Variants in UBE2E2 observed in about 807,000 individuals in gnomAD.
UBE2E2 encodes the protein ubiquitin-conjugating enzyme E2 E2.
In UBE2E2, 6 loss-of-function variants were observed where a neutral mutation model predicts 24.7. That is an observed-to-expected ratio of 0.24 (90% CI 0.13 to 0.48). UBE2E2 has a LOEUF of 0.48. Among genes scored for constraint, UBE2E2 ranks in the 20% least tolerant of loss-of-function variants. UBE2E2 has a pLI of 0.99. For synonymous variants in UBE2E2, 104 were observed against 83.6 expected, an observed-to-expected ratio of 1.24 and a Z score of -1.33; for missense variants, 169 against 245.0, an observed-to-expected ratio of 0.69 and a Z score of 2.07.
At chr3:23,501,112 A>T (rs562443954) in intron 4 of UBE2E2, among the ~76,000 whole-genome samples, 1 of 152,212 alleles carries the variant, frequency 6.6e-6, no homozygotes, top group Non-Finnish European at 1.5e-5. Context: ...CTGTTGTACT[A>T]TGAGGGATGT....
In UBE2E2 at chr3:23,407,650, TG is replaced by T. The variant is rs1697396503; in HGVS notation, c.228-91957del. Reference sequence around the variant, plus strand: ...GTGTTTGTGTGTGCATGCGTGCATGTGTGTGTGTGTGTGTGTGTGTGTGTGT... The same window carrying T: ...GTGTTTGTGTGTGCATGCGTGCATGTTGTGTGTGTGTGTGTGTGTGTGTGT... On this transcript the variant is annotated intron_variant, in intron 3 of 5. Coordinates refer to ENST00000396703, the MANE Select transcript of UBE2E2 (RefSeq NM_152653.4). This position sits in a 1 kb window ranked among gnomAD's most constrained non-coding sequence, Gnocchi z 4.0. Among the ~76,000 whole-genome samples the T allele has an allele frequency of 7.6e-5, 2 of 26,436 alleles. No individual in the cohort carries two copies. Among genetic ancestry groups the T allele is most frequent in the African/African-American group, 5.8e-4 (2 of 3,424 alleles). The allele number at this position is 26,436 out of a possible 152,430, so 17.3% of individuals were successfully genotyped here. A position where few individuals can be genotyped will look rare whatever the true frequency, so the allele number is the denominator to read the frequency against.
At chr3:23,302,934 A>G (rs187465905) in intron 3 of UBE2E2, among the ~76,000 whole-genome samples, 2 of 152,344 alleles carry the variant, frequency 1.3e-5, no homozygotes, top group Admixed American at 6.5e-5. Context: ...AATGAAACAC[A>G]TAAACCAGGG....
At chr3:23,561,261 A>C (rs1657510756) in intron 5 of UBE2E2, among the ~76,000 whole-genome samples, 1 of 152,200 alleles carries the variant, frequency 6.6e-6, no homozygotes, top group Admixed American at 6.5e-5. Context: ...AGGTGTAAGG[A>C]AGGGATCCAG....
intron 5 of UBE2E2, among the ~76,000 whole-genome samples, chr3:23,548,979 A>C (rs1695581378): frequency 6.6e-6 from 1 of 152,196 alleles, no homozygotes; most frequent in Non-Finnish European, 1.5e-5. Flanking sequence ...AACTCTGAAA[A>C]TGTGGCTGAA....
At chr3:23,262,258 A>G (rs2125354988) in intron 3 of UBE2E2, among the ~76,000 whole-genome samples, 1 of 152,144 alleles carries the variant, frequency 6.6e-6, no homozygotes, top group East Asian at 1.9e-4. Flanking sequence ...CTTTTTTGGA[A>G]AAATGTGTAT....
chr3:23,243,911 C>G (rs1203267363), intron 3 of UBE2E2, among the ~76,000 whole-genome samples: 2 of 151,830 alleles, frequency 1.3e-5, no homozygotes, highest in Non-Finnish European at 2.9e-5. Flanking sequence ...TAGGATCGTT[C>G]TTTTACCTGT....
intron 3 of UBE2E2, among the ~76,000 whole-genome samples, chr3:23,394,248 GGAGA>G (rs1304658617): frequency 6.6e-6 from 1 of 152,090 alleles, no homozygotes; most frequent in Non-Finnish European, 1.5e-5. Context: ...AACAAGTTTT[GGAGA>G]GAGAGTTTTT....
intron 3 of UBE2E2, among the ~76,000 whole-genome samples, chr3:23,292,423 T>C (rs1457321112): frequency 2.0e-5 from 3 of 152,204 alleles, no homozygotes; most frequent in Non-Finnish European, 4.4e-5. Flanking sequence ...TATTTTTTTT[T>C]CAGAGGAAGA....
chr3:23,228,740 T>A (rs1474664074), intron 3 of UBE2E2, among the ~76,000 whole-genome samples: 1 of 152,198 alleles, frequency 6.6e-6, no homozygotes, highest in African/African-American at 2.4e-5. Context: ...CCTAATGAGA[T>A]GCCTTTAAGG....
intron 5 of UBE2E2, among the ~76,000 whole-genome samples, chr3:23,588,410 G>GTTTTTTTTTTTTTTTTTTTTTTTTTTTT (rs199679364): frequency 1.5e-5 from 2 of 130,054 alleles, no homozygotes; most frequent in Non-Finnish European, 1.6e-5. Flanking sequence ...TTGTTTTTTT[G>GTTTTTTTTTTTTTTTTTTTTTTTTTTTT]TTTTTTTTTT....
chr3:23,509,007 C>T lies in UBE2E2; in HGVS notation c.360+9267C>T, dbSNP rs545599910. 3.9e-5 allele frequency among the ~76,000 whole-genome samples: 6 copies of T among 152,280 alleles called. No individual in the cohort carries two copies. In the South Asian group the frequency reaches 1.2e-3, roughly 32 times the overall value. On this transcript the variant is annotated intron_variant, in intron 4 of 5. Transcript: ENST00000396703. Reference sequence around the variant, plus strand: ...GATACCCTCCCCTCACGTGAGTTTTCTGAAGAGAGAAGGGTAGGGTAACTC... The same window carrying T: ...GATACCCTCCCCTCACGTGAGTTTTTTGAAGAGAGAAGGGTAGGGTAACTC...
chr3:23,473,951 C>T (rs1307901559), intron 3 of UBE2E2, among the ~76,000 whole-genome samples: 1 of 152,032 alleles, frequency 6.6e-6, no homozygotes, highest in Non-Finnish European at 1.5e-5. Context: ...AATGGTAGTT[C>T]TATTTTTAGT....
chr3:23,258,203 G>C (rs1407588041), intron 3 of UBE2E2, among the ~76,000 whole-genome samples: 1 of 152,210 alleles, frequency 6.6e-6, no homozygotes, highest in Non-Finnish European at 1.5e-5. Flanking sequence ...CATTGGATTA[G>C]AGAGGCAAAA....
intron 3 of UBE2E2, among the ~76,000 whole-genome samples, chr3:23,236,097 A>T (rs1209663017): frequency 1.3e-5 from 2 of 152,140 alleles, no homozygotes; most frequent in African/African-American, 4.8e-5. Flanking sequence ...AGGAGTCCTA[A>T]GGAGTTTGCC....
At chr3:23,214,187 T>C (rs1371029819) in intron 2 of UBE2E2, among the ~76,000 whole-genome samples, 1 of 152,202 alleles carries the variant, frequency 6.6e-6, no homozygotes, top group African/African-American at 2.4e-5. Context: ...TTGAATAATA[T>C]AGACCTAGAA....
intron 3 of UBE2E2, among the ~76,000 whole-genome samples, chr3:23,453,805 T>C (rs1698618554): frequency 6.6e-6 from 1 of 152,160 alleles, no homozygotes; most frequent in African/African-American, 2.4e-5. Context: ...TATTTGTACA[T>C]TGGCCAAGGA....
intron 3 of UBE2E2, among the ~76,000 whole-genome samples, chr3:23,479,998 C>T (rs1699223230): frequency 6.6e-6 from 1 of 152,206 alleles, no homozygotes; most frequent in African/African-American, 2.4e-5. Flanking sequence ...GGCAGCCCAG[C>T]CCACAGGCTT....
intron 3 of UBE2E2, among the ~76,000 whole-genome samples, chr3:23,442,037 A>G (rs907028108): frequency 7.2e-5 from 11 of 152,154 alleles, no homozygotes. Flanking sequence ...TGTGACTTTT[A>G]TATTGTTGAT....
intron 3 of UBE2E2, among the ~76,000 whole-genome samples, chr3:23,484,396 A>T (rs748649522): frequency 6.6e-6 from 1 of 152,194 alleles, no homozygotes; most frequent in Non-Finnish European, 1.5e-5. Context: ...GAAACATGGT[A>T]CTACTGTGGT....
Sources: allele counts gnomAD v4.1 joint callset (sites outside exome capture counted in the v4.1 genomes callset), GRCh38; gene constraint gnomAD v4.1.1; non-coding constraint Gnocchi (gnomAD v3.1); transcripts MANE v1.5; gene names NCBI Gene and HGNC (gene_info 2026-07-23, HGNC 2026-07-21).